C21orf58: variants seen among roughly 807,000 people sequenced by gnomAD.
C21orf58 encodes the protein uncharacterized protein C21orf58.
In C21orf58, 34 loss-of-function variants were observed where a neutral mutation model predicts 35.8. The ratio of observed to expected loss-of-function variants is 0.95; its 90% CI spans 0.72 to 1.26. The LOEUF (loss-of-function observed/expected upper bound fraction) is 1.26. C21orf58 is among the 50% of genes most tolerant of loss of function. The pLI is 0.00. For missense variants in C21orf58, 440 were observed against 414.3 expected (o/e 1.06, Z -0.54); for synonymous variants, 191 against 175.8 (o/e 1.09, Z -0.68).
At chr21:46,305,545 G>C (rs957999290) in intron 6 of C21orf58, among the ~76,000 whole-genome samples, 8 of 151,980 alleles carry the variant, frequency 5.3e-5, no homozygotes, top group African/African-American at 1.9e-4. Flanking sequence ...GCCCAGGCTG[G>C]TCTTGAACTC....
chr21:46,309,865 G>A (rs546322692), intron 6 of C21orf58, among the ~76,000 whole-genome samples: 40 of 152,072 alleles, frequency 2.6e-4, no homozygotes, highest in South Asian at 6.2e-4. Context: ...GCGTGGTGGC[G>A]GGTACCTGTA....
chr21:46,303,721 ATATATATATATATATATATATATAT>A (rs1741418467), intron 6 of C21orf58, among the ~76,000 whole-genome samples: 2 of 22,044 alleles, frequency 9.1e-5, no homozygotes, highest in African/African-American at 4.5e-4. Context: ...ATATATATAT[ATATATATATATATATATATATATAT>A]TTTTTTTTTT....
chr21:46,317,307 A>G, intron 2 of C21orf58, 39 bp from the exon 3 acceptor site: 2 of 1,601,842 alleles, frequency 1.2e-6, no homozygotes, highest in South Asian at 2.2e-5. Context: ...CGGTGGCTCC[A>G]CGCAAAGGCC....
intron 1 of C21orf58, chr21:46,318,872 G>GT: frequency 4.1e-6 from 4 of 985,854 alleles, no homozygotes; most frequent in Non-Finnish European, 4.8e-6. Context: ...TCTGCACTTG[G>GT]TTGGGCATTA....
chr21:46,321,368 T>C (rs1253385507), intron 1 of C21orf58, among the ~76,000 whole-genome samples: 1 of 152,122 alleles, frequency 6.6e-6, no homozygotes, highest in Non-Finnish European at 1.5e-5. Context: ...CCTGGCCCAT[T>C]TGTTATGATT....
intron 6 of C21orf58, among the ~76,000 whole-genome samples, chr21:46,310,110 G>A (rs946271132): frequency 1.3e-4 from 20 of 152,152 alleles, no homozygotes; most frequent in African/African-American, 4.6e-4. Flanking sequence ...AAAGAAACAC[G>A]AGGAAACTTT....
At position 46,319,821 on chromosome 21, in the gene C21orf58, C is replaced by T. The variant is rs145395104; in HGVS notation, c.101-1601G>A. Among the ~76,000 whole-genome samples, 877 of 152,030 alleles carry T rather than the reference C, an allele frequency of 5.8e-3. 9 individuals are homozygous for T. The highest frequency in any genetic ancestry group is 0.02 in the African/African-American group (840 of 41,480). Reference sequence around the variant, plus strand: ...CTGAGGCAGGAGAATTGCTTGAAATCGGAAGGCAGAGTTTGCAGTGACCCA... The same window carrying T: ...CTGAGGCAGGAGAATTGCTTGAAATTGGAAGGCAGAGTTTGCAGTGACCCA... On this transcript the variant is annotated intron_variant, in intron 1 of 7. Transcript: ENST00000291691.
In C21orf58 at chr21:46,301,823, C is replaced by T; in HGVS notation, c.*176G>A. 7.9e-7 allele frequency: 1 copy of T among 1,262,782 alleles called. No homozygotes were observed. The highest frequency in any genetic ancestry group is 3.1e-5 in the East Asian group (1 of 31,826). The allele number at this position is 1,262,782 out of a possible 1,614,324, so 78.2% of individuals were successfully genotyped here. On this transcript the variant is annotated 3_prime_UTR_variant, in exon 8 of 8. Transcript: ENST00000291691. ...GATGCCCCCTGGAATGGCCCCGTGACCAGAAAGCGAGCCTGCCCAGCTTCC... is the reference window on the plus strand; with the variant it reads ...GATGCCCCCTGGAATGGCCCCGTGATCAGAAAGCGAGCCTGCCCAGCTTCC...
chr21:46,321,703 G>A (rs934267028), intron 1 of C21orf58, among the ~76,000 whole-genome samples: 1 of 151,706 alleles, frequency 6.6e-6, no homozygotes, highest in African/African-American at 2.4e-5. Flanking sequence ...CTGTCACCTC[G>A]ACTATAACTG....
At chr21:46,322,309 CTGAAA>C in intron 1 of C21orf58, 1 of 323,500 alleles carries the variant, frequency 3.1e-6, no homozygotes, top group Non-Finnish European at 4.4e-6. Context: ...GAAAAAAGAA[CTGAAA>C]TAAGACCCAA....
intron 3 of C21orf58, among the ~76,000 whole-genome samples, 161 bp downstream of exon 3, chr21:46,317,047 T>C (rs138943918): frequency 2.8e-4 from 43 of 152,284 alleles, no homozygotes; most frequent in African/African-American, 9.6e-4. Flanking sequence ...TGTCTTCAAC[T>C]CTGAATGTAA....
chr21:46,315,581 C>T (rs369023065), intron 3 of C21orf58, 34 bp from the exon 4 acceptor site: 31 of 1,423,866 alleles, frequency 2.2e-5, no homozygotes, highest in South Asian at 1.6e-4. Context: ...TACCAAGGAA[C>T]GCGTAGAGGC....
Position 46,302,035 on chromosome 21 carries a change from C to A in C21orf58, c.933G>T (p.Gln311His). 6.6e-7 allele frequency: 1 copy of A among 1,525,526 alleles called. No homozygotes were observed. 94.5% of individuals were successfully genotyped at this position (1,525,526 alleles called of 1,614,324 possible). ...CAGGCGTCCACAGGCTGGGGGCGGGCTGGAGGACAGTGGCAGCCCCAGGTG... is the reference window on the plus strand; with the variant it reads ...CAGGCGTCCACAGGCTGGGGGCGGGATGGAGGACAGTGGCAGCCCCAGGTG... The part of the protein sequence containing the change: ...VWPPGAATVL[Q>H]PAPSLWTPGP... Residue 311 changes from glutamine to histidine, a missense_variant, in exon 8 of 8, where the codon CAG becomes CAT. By Grantham distance (24) the Gln-to-His change is conservative (BLOSUM62 0). Transcript: ENST00000291691.
rs551219687 is a variant in C21orf58 at position 46,301,824 on chromosome 21, C to T, written c.*175G>A. 25 of 1,263,148 alleles carry T rather than the reference C, an allele frequency of 2.0e-5. No individual in the cohort carries two copies. The highest frequency in any genetic ancestry group is 9.3e-5 in the African/African-American group (6 of 64,674). The allele number at this position is 1,263,148 out of a possible 1,614,324, so 78.2% of individuals were successfully genotyped here. On this transcript the variant is annotated 3_prime_UTR_variant, in exon 8 of 8. Transcript: ENST00000291691. The stretch of plus-strand genomic sequence containing the variant: ...ATGCCCCCTGGAATGGCCCCGTGAC[C>T]AGAAAGCGAGCCTGCCCAGCTTCCC...
chr21:46,314,768 G>A lies in C21orf58; in HGVS notation c.557C>T (p.Thr186Ile), dbSNP rs910082427. The A allele has an allele frequency of 2.0e-6, 3 of 1,516,080 alleles. No homozygotes were observed. The African/African-American group carries it at 4.1e-5, about 21-fold the overall frequency. 93.9% of individuals were successfully genotyped at this position (1,516,080 alleles called of 1,614,324 possible). Residue 186 changes from threonine to isoleucine, a missense_variant, in exon 5 of 8, where the codon ACT (threonine) becomes ATT (isoleucine). Physicochemically the swap from Thr to Ile is moderately conservative, Grantham distance 89. Coordinates refer to ENST00000291691, the MANE Select transcript of C21orf58 (RefSeq NM_058180.5). ...PELPPTGILPTASPSPLAPDP... is the reference protein window; with the variant it reads ...PELPPTGILPIASPSPLAPDP... ...TGGGGCCAGCGGGGATGGGGAGGCAGTGGGTAGGATGCCCGTGGGGGGCAG... is the reference window on the plus strand; with the variant it reads ...TGGGGCCAGCGGGGATGGGGAGGCAATGGGTAGGATGCCCGTGGGGGGCAG...
At chr21:46,302,299 G>C (rs547534643) in intron 7 of C21orf58, 145 bp from the exon 8 acceptor site, 1 of 1,353,712 alleles carries the variant, frequency 7.4e-7, no homozygotes, top group African/African-American at 1.5e-5. Context: ...CTCCTCCCCC[G>C]CCCCAAATTG....
At chr21:46,314,944 C>A in intron 4 of C21orf58, 64 bp from the exon 5 acceptor site, 1 of 1,550,350 alleles carries the variant, frequency 6.5e-7, no homozygotes, top group Non-Finnish European at 8.7e-7. Flanking sequence ...CAGAGGCACC[C>A]CCAGCATCAG....
downstream of C21orf58, chr21:46,300,892 A>C (rs1220793600): frequency 1.0e-6 from 1 of 996,260 alleles, no homozygotes; most frequent in African/African-American, 1.7e-5. Context: ...AAAAAAAAGT[A>C]ACAAAAAGTA....
chr21:46,317,118 T>C (rs1194317813), intron 3 of C21orf58, 90 bp downstream of exon 3: 4 of 1,115,450 alleles, frequency 3.6e-6, no homozygotes, highest in African/African-American at 3.1e-5. Context: ...CCAGAGTTGC[T>C]GTCCCCACCT....
Sources: gnomAD v4.1 joint callset for allele counts (sites outside exome capture counted in the v4.1 genomes callset) on GRCh38, gnomAD v4.1.1 for gene constraint, MANE v1.5 for transcripts, NCBI Gene and HGNC (gene_info 2026-07-23, HGNC 2026-07-21) for gene names.